The following NUP93 variants were observed in gnomAD, a reference collection of about 807,000 sequenced individuals.
NUP93 encodes the protein nuclear pore complex protein Nup93.
NUP93 carries 55 observed loss-of-function variants against 107.8 expected under a neutral mutation model. The ratio of observed to expected loss-of-function variants is 0.51; its 90% CI spans 0.41 to 0.64. The LOEUF (loss-of-function observed/expected upper bound fraction) is 0.64, where lower values mean the gene tolerates loss of function less well. Among genes scored for constraint, NUP93 ranks in the 30% least tolerant of loss-of-function variants. NUP93 has a pLI of 0.00. For synonymous variants in NUP93, 390 were observed against 397.5 expected (o/e 0.98, Z 0.22); for missense variants, 937 against 1,044.7 (o/e 0.90, Z 1.42).
intron 3 of NUP93, 72 bp from the exon 4 acceptor site, chr16:56,798,404 G>A: frequency 7.8e-7 from 1 of 1,286,908 alleles, no homozygotes; most frequent in Non-Finnish European, 1.1e-6. Context: ...TATGGTTATT[G>A]TTTGCCCTGC....
chr16:56,778,469 C>T (rs1052694373), intron 3 of NUP93, among the ~76,000 whole-genome samples: 1 of 152,024 alleles, frequency 6.6e-6, no homozygotes, highest in Admixed American at 6.5e-5. Context: ...GTTGGTTTGG[C>T]CAGTGGAAGG....
At chr16:56,740,123 G>A (rs1158416186) in intron 1 of NUP93, among the ~76,000 whole-genome samples, 1 of 140,256 alleles carries the variant, frequency 7.1e-6, no homozygotes, top group Non-Finnish European at 1.5e-5. Flanking sequence ...CAGGCGGGGG[G>A]CTGACCCCCC....
rs769841060 is a variant in NUP93 at position 56,823,864 on chromosome 16, C to T, written c.794+18C>T. 16 of 1,609,818 alleles carry T rather than the reference C, an allele frequency of 9.9e-6. No homozygotes were observed. Among genetic ancestry groups the T allele is most frequent in the African/African-American group, 2.7e-5 (2 of 74,876 alleles). ...GAGCAGAGGTAAGGCAGCAGTAGCA[C>T]AGTGGGGCTGGCTTTCACATCCTTT... On this transcript the variant is annotated intron_variant, in intron 8 of 21. Transcript: ENST00000308159.
chr16:56,839,445 G>A lies in NUP93; in HGVS notation c.2137-76G>A, dbSNP rs141947266. Reference sequence around the variant, plus strand: ...GAAGAAGCCCTTTGGAGTATGTGAGGTGCTGACTTTACATGTAGAGAGATG... The same window carrying A: ...GAAGAAGCCCTTTGGAGTATGTGAGATGCTGACTTTACATGTAGAGAGATG... On this transcript the variant is annotated intron_variant, in intron 19 of 21. Coordinates refer to ENST00000308159, the MANE Select transcript of NUP93 (RefSeq NM_014669.5). The A allele has an allele frequency of 1.1e-3, 1,272 of 1,182,806 alleles. 3 individuals are homozygous for A. The highest frequency in any genetic ancestry group is 1.3e-3 in the Non-Finnish European group (1,042 of 830,656). 73.3% of individuals were successfully genotyped at this position (1,182,806 alleles called of 1,614,324 possible). A position where few individuals can be genotyped will look rare whatever the true frequency, so the allele number is the denominator to read the frequency against.
chr16:56,795,838 G>T lies in NUP93; in HGVS notation c.298-2638G>T, dbSNP rs141970987. 1.3e-3 allele frequency among the ~76,000 whole-genome samples: 200 copies of T among 152,082 alleles called. 1 individual carries two copies. Among genetic ancestry groups the T allele is most frequent in the African/African-American group, 4.3e-3 (179 of 41,488 alleles). On this transcript the variant is annotated intron_variant, in intron 3 of 21. Transcript: ENST00000308159. ...ATCTTTGTGTTTTTAGTAGAGACAG[G>T]GTTTCACCATGTTGGCCAGGATGGT...
chr16:56,740,151 G>C (rs1177104950), intron 1 of NUP93, among the ~76,000 whole-genome samples: 22 of 147,828 alleles, frequency 1.5e-4, no homozygotes, highest in Admixed American at 1.3e-3. Flanking sequence ...CTCCCGGACG[G>C]GGTGGCTGCC....
intron 5 of NUP93, among the ~76,000 whole-genome samples, chr16:56,817,612 G>T (rs903478902): frequency 2.6e-5 from 4 of 152,142 alleles, no homozygotes; most frequent in African/African-American, 9.7e-5. Context: ...CTTTACAGAA[G>T]AAATAAGCTT....
At chr16:56,797,478 G>A (rs1466930249) in intron 3 of NUP93, among the ~76,000 whole-genome samples, 3 of 152,176 alleles carry the variant, frequency 2.0e-5, no homozygotes, top group Non-Finnish European at 2.9e-5. Flanking sequence ...GCAAGGTGTT[G>A]GCGGGGAAGT....
intron 3 of NUP93, among the ~76,000 whole-genome samples, chr16:56,760,113 A>G (rs1962096490): frequency 6.6e-6 from 1 of 152,208 alleles, no homozygotes; most frequent in Non-Finnish European, 1.5e-5. Context: ...ATGGTTTTCT[A>G]ACAATATATG....
In NUP93 at chr16:56,759,080, A is replaced by G. The variant is rs149506665; in HGVS notation, c.297+425A>G. On this transcript the variant is annotated intron_variant, in intron 3 of 21. Coordinates refer to ENST00000308159, the MANE Select transcript of NUP93 (RefSeq NM_014669.5). ...AGAGCTGGGGAAAACTTAGAGTACTATTTACTGAAACCTACTCAATGATTT... is the reference window on the plus strand; with the variant it reads ...AGAGCTGGGGAAAACTTAGAGTACTGTTTACTGAAACCTACTCAATGATTT... Among the ~76,000 whole-genome samples, 28 of 152,270 alleles carry G rather than the reference A, an allele frequency of 1.8e-4. 1 individual carries two copies. Among genetic ancestry groups the G allele is most frequent in the African/African-American group, 6.0e-4 (25 of 41,568 alleles).
chr16:56,836,530 C>G, intron 16 of NUP93, 71 bp from the exon 17 acceptor site: 2 of 902,874 alleles, frequency 2.2e-6, no homozygotes, highest in South Asian at 3.0e-5. Context: ...CTAATTGCTT[C>G]TCTGTGTTTA....
At chr16:56,743,127 C>G (rs2144446927) in intron 1 of NUP93, among the ~76,000 whole-genome samples, 1 of 152,276 alleles carries the variant, frequency 6.6e-6, no homozygotes, top group East Asian at 1.9e-4. Flanking sequence ...AAATATTTAA[C>G]ATAGTTATTA....
chr16:56,836,128 CAA>C (rs766959511), intron 16 of NUP93, among the ~76,000 whole-genome samples: 26 of 94,664 alleles, frequency 2.7e-4, no homozygotes, highest in Admixed American at 3.5e-4. Context: ...GACTCTGTCT[CAA>C]AAAAAAAAAA....
chr16:56,815,872 C>CTGCTGG (rs1218124323), intron 5 of NUP93, among the ~76,000 whole-genome samples: 1 of 141,780 alleles, frequency 7.1e-6, no homozygotes, highest in African/African-American at 2.9e-5. Context: ...GCTACTGCTG[C>CTGCTGG]TGCTGCTGCT....
chr16:56,756,213 G>A (rs1323629294), intron 2 of NUP93, among the ~76,000 whole-genome samples: 2 of 150,102 alleles, frequency 1.3e-5, no homozygotes, highest in East Asian at 4.0e-4. Flanking sequence ...TGCCATGGTG[G>A]TTTGCCACAC....
chr16:56,792,143 T>A (rs1962779826), intron 3 of NUP93, among the ~76,000 whole-genome samples: 1 of 152,172 alleles, frequency 6.6e-6, no homozygotes, highest in African/African-American at 2.4e-5. Context: ...TTGTGCCACT[T>A]GTCTCCAGCC....
At chr16:56,817,036 G>A (rs1963447910) in intron 5 of NUP93, among the ~76,000 whole-genome samples, 1 of 152,172 alleles carries the variant, frequency 6.6e-6, no homozygotes, top group Non-Finnish European at 1.5e-5. Context: ...GTGGCAGAGT[G>A]TAAAGATGTG....
At chr16:56,811,234 G>T (rs1384236192) in intron 5 of NUP93, among the ~76,000 whole-genome samples, 1 of 152,206 alleles carries the variant, frequency 6.6e-6, no homozygotes, top group East Asian at 1.9e-4. Context: ...CCAGCAGTAT[G>T]TGAGAATTCC....
intron 1 of NUP93, among the ~76,000 whole-genome samples, chr16:56,733,841 CT>C (rs1222537989): frequency 4.6e-5 from 7 of 152,176 alleles, no homozygotes; most frequent in Non-Finnish European, 1.0e-4. Flanking sequence ...TAGCTTTATA[CT>C]TTTTTATAGC....
Sources: allele counts gnomAD v4.1 joint callset (sites outside exome capture counted in the v4.1 genomes callset), GRCh38; gene constraint gnomAD v4.1.1; transcripts MANE v1.5; gene names NCBI Gene and HGNC (gene_info 2026-07-23, HGNC 2026-07-21).